Variants in ZNF277 observed in about 807,000 individuals in gnomAD.
ZNF277 encodes nuclear receptor-interacting factor 4.
A neutral mutation model predicts 60.7 loss-of-function variants in ZNF277; 55 were observed. The ratio of observed to expected loss-of-function variants is 0.91; its 90% confidence interval spans 0.73 to 1.13. ZNF277 has a LOEUF of 1.13. ZNF277 is among the 50% of genes most tolerant of loss of function. The probability of loss-of-function intolerance (pLI) is 0.00; values close to 1 mark genes in which losing one functional copy is unlikely to be tolerated. For synonymous variants in ZNF277, 178 were observed against 179.3 expected (o/e 0.99, Z 0.06); for missense variants, 510 against 523.0 (o/e 0.98, Z 0.24).
At chr7:112,235,323 T>C (rs976394909) in intron 1 of ZNF277, among the ~76,000 whole-genome samples, 1 of 152,092 alleles carries the variant, frequency 6.6e-6, no homozygotes, top group Non-Finnish European at 1.5e-5. Context: ...GTAACTATGA[T>C]TGACATTTTG....
intron 4 of ZNF277, among the ~76,000 whole-genome samples, chr7:112,297,094 A>T (rs905407475): frequency 2.0e-5 from 3 of 150,000 alleles, no homozygotes; most frequent in African/African-American, 7.3e-5. Context: ...CACCTGGCTA[A>T]TTTTTTGTAT....
intron 8 of ZNF277, 104 bp downstream of exon 8, chr7:112,336,275 AT>A: frequency 4.8e-6 from 5 of 1,040,630 alleles, no homozygotes; most frequent in Non-Finnish European, 6.9e-6. Context: ...GAAGAAAAAA[AT>A]ACCTTCTCTG....
rs571377789 is a variant in ZNF277 at position 112,271,115 on chromosome 7, A to C, written c.92-15758A>C. Reference sequence around the variant, plus strand: ...TAGACATTCCATTGAAGCTAGTGCTAATCAGATTAACTGCTGGCAGAATTC... The same window carrying C: ...TAGACATTCCATTGAAGCTAGTGCTCATCAGATTAACTGCTGGCAGAATTC... On this transcript the variant is annotated intron_variant, in intron 1 of 11. Transcript: ENST00000361822. 4.6e-5 allele frequency among the ~76,000 whole-genome samples: 7 copies of C among 152,242 alleles called. No individual in the cohort carries two copies. The South Asian group carries it at 1.5e-3, about 32-fold the overall frequency.
intron 4 of ZNF277, among the ~76,000 whole-genome samples, chr7:112,302,948 C>A (rs1038397873): frequency 2.2e-5 from 3 of 138,546 alleles, no homozygotes; most frequent in African/African-American, 9.1e-5. Flanking sequence ...AGCAAATAGG[C>A]CTTTTTTTTT....
intron 8 of ZNF277, among the ~76,000 whole-genome samples, chr7:112,336,992 G>C (rs1248519946): frequency 6.6e-6 from 1 of 152,152 alleles, no homozygotes; most frequent in African/African-American, 2.4e-5. Flanking sequence ...GGAAGCTTCT[G>C]TGTGAATTGG....
At chr7:112,319,111 G>A (rs1277999513) in intron 5 of ZNF277, among the ~76,000 whole-genome samples, 2 of 152,014 alleles carry the variant, frequency 1.3e-5, no homozygotes, top group African/African-American at 4.8e-5. Flanking sequence ...CCTACTCTGA[G>A]TTTTGGTGTC....
intron 1 of ZNF277, among the ~76,000 whole-genome samples, chr7:112,261,885 T>C (rs546808766): frequency 1.3e-5 from 2 of 152,312 alleles, no homozygotes; most frequent in South Asian, 2.1e-4. Flanking sequence ...AAGTTCATTA[T>C]TGGTTTTTAA....
intron 4 of ZNF277, among the ~76,000 whole-genome samples, chr7:112,298,755 G>A (rs193105234): frequency 6.6e-6 from 1 of 152,300 alleles, no homozygotes; most frequent in African/African-American, 2.4e-5. Flanking sequence ...ACCCTGTGAG[G>A]TGGCTATTAA....
At chr7:112,300,125 A>T (rs1193876522) in intron 4 of ZNF277, among the ~76,000 whole-genome samples, 1 of 152,188 alleles carries the variant, frequency 6.6e-6, no homozygotes, top group Non-Finnish European at 1.5e-5. Flanking sequence ...GGCTGGAGGT[A>T]TATAGAGTTT....
chr7:112,258,896 AC>A (rs1387238027), intron 1 of ZNF277, among the ~76,000 whole-genome samples: 4 of 151,954 alleles, frequency 2.6e-5, no homozygotes, highest in South Asian at 4.1e-4. Flanking sequence ...TTAAAAAAAA[AC>A]AAAACATATC....
intron 1 of ZNF277, among the ~76,000 whole-genome samples, chr7:112,267,338 C>T (rs1222564700): frequency 6.6e-6 from 1 of 152,172 alleles, no homozygotes; most frequent in Admixed American, 6.5e-5. Flanking sequence ...GTTCAGTGGA[C>T]TGCTGGGATT....
Position 112,295,895 on chromosome 7 carries a change from T to A in ZNF277, c.320T>A (p.Phe107Tyr). Residue 107 changes from phenylalanine (F) to tyrosine (Y), a missense_variant, in exon 3 of 12, where the codon TTC becomes TAC. By Grantham distance (22) the Phe-to-Tyr change is conservative. Transcript: ENST00000361822. The part of the protein sequence containing the change: ...QRYILYWRKR[F>Y]TEQPITDFCS... ...TACATTTTATATTGGAGGAAAAGGTTCACTGAACAGCCCATCACAGATTTT... is the reference window on the plus strand; with the variant it reads ...TACATTTTATATTGGAGGAAAAGGTACACTGAACAGCCCATCACAGATTTT... 6.2e-7 allele frequency: 1 copy of A among 1,612,840 alleles called. No homozygotes were observed. Among genetic ancestry groups the A allele is most frequent in the Non-Finnish European group, 8.5e-7 (1 of 1,179,170 alleles).
At chr7:112,240,350 GTA>G (rs1335427778) in intron 1 of ZNF277, among the ~76,000 whole-genome samples, 1 of 152,182 alleles carries the variant, frequency 6.6e-6, no homozygotes, top group African/African-American at 2.4e-5. Flanking sequence ...ATAAGATGTA[GTA>G]TTTGATAGCA....
At chr7:112,301,882 G>T (rs917254293) in intron 4 of ZNF277, among the ~76,000 whole-genome samples, 4 of 152,070 alleles carry the variant, frequency 2.6e-5, no homozygotes, top group Non-Finnish European at 4.4e-5. Flanking sequence ...GTATTGGCTT[G>T]TAATTTCTAT....
At chr7:112,263,872 T>C (rs1047125783) in intron 1 of ZNF277, among the ~76,000 whole-genome samples, 1 of 152,114 alleles carries the variant, frequency 6.6e-6, no homozygotes, top group African/African-American at 2.4e-5. Context: ...ATACACATTT[T>C]TGTGTACAGT....
intron 1 of ZNF277, among the ~76,000 whole-genome samples, chr7:112,222,977 G>A (rs2116964829): frequency 6.6e-6 from 1 of 152,306 alleles, no homozygotes; most frequent in African/African-American, 2.4e-5. Flanking sequence ...CATGCTGGAT[G>A]CTTCCTGCCC....
chr7:112,286,722 C>T (rs1214721482), intron 1 of ZNF277, 151 bp from the exon 2 acceptor site: 4 of 662,366 alleles, frequency 6.0e-6, no homozygotes, highest in South Asian at 4.3e-5. Flanking sequence ...ATAAAGTATC[C>T]TACTCTCCAG....
chr7:112,254,274 C>T (rs1012586057), intron 1 of ZNF277, among the ~76,000 whole-genome samples: 3 of 152,194 alleles, frequency 2.0e-5, no homozygotes, highest in East Asian at 3.8e-4. Context: ...GCAGCATCAG[C>T]ATCACCTGGG....
At chr7:112,340,781 A>AT in intron 10 of ZNF277, 91 bp from the exon 11 acceptor site, 1 of 1,119,102 alleles carries the variant, frequency 8.9e-7, no homozygotes, top group South Asian at 1.5e-5. Flanking sequence ...AGGTTGATTA[A>AT]TAAAAATAAG....
Sources: gnomAD v4.1 joint callset for allele counts (sites outside exome capture counted in the v4.1 genomes callset) on GRCh38, gnomAD v4.1.1 for gene constraint, MANE v1.5 for transcripts, NCBI Gene and HGNC (gene_info 2026-07-23, HGNC 2026-07-21) for gene names.